The following PPEF1 variants were observed in gnomAD, a reference collection of about 807,000 sequenced individuals.
PPEF1 encodes serine/threonine-protein phosphatase with EF-hands 1.
In PPEF1, 12 loss-of-function variants were observed where a neutral mutation model predicts 53.3. That is an observed-to-expected ratio of 0.23 (90% confidence interval 0.14 to 0.36). The LOEUF is 0.36. PPEF1 is among the 10% of genes least tolerant of loss of function. The pLI, the probability that PPEF1 is intolerant of heterozygous loss-of-function variation, is 1.00. For synonymous variants in PPEF1, 165 were observed against 176.7 expected, an observed-to-expected ratio of 0.93 and a Z score of 0.52; for missense variants, 334 against 490.4, an observed-to-expected ratio of 0.68 and a Z score of 3.01.
At chrX:18,821,828 A>G (rs2047066111) in intron 13 of PPEF1, among the ~76,000 whole-genome samples, 1 of 108,204 alleles carries the variant, frequency 9.2e-6, no homozygotes, top group African/African-American at 3.4e-5. Context: ...GTGCAAGTGT[A>G]GGGAGGAGCT....
intron 1 of PPEF1, among the ~76,000 whole-genome samples, chrX:18,721,599 G>A (rs2044591156): frequency 9.0e-6 from 1 of 111,687 alleles, no homozygotes; most frequent in Admixed American, 9.6e-5. Flanking sequence ...GAGAAACTGA[G>A]GACCTCGGAG....
chrX:18,717,285 A>T (rs919662183), intron 1 of PPEF1, among the ~76,000 whole-genome samples: 9 of 108,415 alleles, frequency 8.3e-5, no homozygotes, highest in Non-Finnish European at 1.7e-4. Flanking sequence ...TAAAAGAGGG[A>T]TATTCTCTTA....
chrX:18,786,943 T>C (rs7880279), intron 9 of PPEF1, among the ~76,000 whole-genome samples: 53,507 of 109,233 alleles, frequency 0.49, 9,973 homozygotes, highest in Non-Finnish European at 0.54. Flanking sequence ...GCCAGCCATT[T>C]TCTCAGGATA....
intron 4 of PPEF1, among the ~76,000 whole-genome samples, chrX:18,750,989 T>G (rs2045431071): frequency 8.9e-6 from 1 of 112,086 alleles, no homozygotes; most frequent in Non-Finnish European, 1.9e-5. Flanking sequence ...TATACCTTCT[T>G]TGCAGAAATC....
rs777742546 is a variant in PPEF1 at position 18,733,812 on chromosome X, A to C, written c.235+4A>C. 5.1e-6 allele frequency: 6 copies of C among 1,168,078 alleles called. No homozygotes were observed. The East Asian group carries it at 1.8e-4, about 36-fold the overall frequency. Reference sequence around the variant, plus strand: ...CATATACATAAGGAAGAGCTAGGTAAGTAAAAAGCTTAGTCTTTTCAAATG... The same window carrying C: ...CATATACATAAGGAAGAGCTAGGTACGTAAAAAGCTTAGTCTTTTCAAATG... On this transcript the variant is annotated splice_donor_region_variant and intron_variant, in intron 3 of 15. Transcript: ENST00000470157.
chrX:18,725,823 G>T (rs980205910), intron 1 of PPEF1, among the ~76,000 whole-genome samples: 5 of 111,159 alleles, frequency 4.5e-5, no homozygotes, highest in African/African-American at 1.6e-4. Flanking sequence ...GAAGACAGAG[G>T]GGACCATAGG....
At chrX:18,708,457 A>G (rs1457993751) in intron 1 of PPEF1, among the ~76,000 whole-genome samples, 1 of 112,326 alleles carries the variant, frequency 8.9e-6, no homozygotes, top group African/African-American at 3.2e-5. Context: ...ATCTAGTTGA[A>G]ACAAACTTGA....
intron 10 of PPEF1, among the ~76,000 whole-genome samples, chrX:18,798,822 C>T (rs112461173): frequency 0.012 from 1,315 of 111,296 alleles, 29 homozygotes; most frequent in African/African-American, 0.04. Context: ...CAGGGTTTCA[C>T]CATGTTGGCC....
At chrX:18,817,633 C>A (rs1319082048) in intron 12 of PPEF1, among the ~76,000 whole-genome samples, 1 of 106,303 alleles carries the variant, frequency 9.4e-6, no homozygotes, top group Admixed American at 1.1e-4. Context: ...AGCCACCACA[C>A]CCGGCCTTTG....
intron 10 of PPEF1, among the ~76,000 whole-genome samples, chrX:18,793,605 A>T (rs1016391887): frequency 1.8e-5 from 2 of 110,882 alleles, no homozygotes; most frequent in Non-Finnish European, 3.8e-5. Flanking sequence ...GAACATATTT[A>T]TAATAGTTGC....
At chrX:18,678,033 G>A (rs1380573499), upstream of PPEF1, among the ~76,000 whole-genome samples, 1 of 107,732 alleles carries the variant, frequency 9.3e-6, no homozygotes, top group Non-Finnish European at 1.9e-5. Flanking sequence ...GGGGGAGTGA[G>A]GCGGGCAGAA....
At chrX:18,765,900 A>G (rs1048575878) in intron 6 of PPEF1, among the ~76,000 whole-genome samples, 13 of 108,640 alleles carry the variant, frequency 1.2e-4, no homozygotes, top group Non-Finnish European at 2.1e-4. Context: ...CCCTGTCTCT[A>G]ATAAAAATAC....
intron 14 of PPEF1, among the ~76,000 whole-genome samples, chrX:18,825,133 A>G (rs757310226): frequency 2.7e-5 from 3 of 112,169 alleles, no homozygotes; most frequent in Non-Finnish European, 3.8e-5. Context: ...AGATCCCCAT[A>G]CTTATTAGTT....
chrX:18,757,559 A>G, intron 4 of PPEF1, 68 bp from the exon 5 acceptor site: 2 of 829,685 alleles, frequency 2.4e-6, no homozygotes, highest in Non-Finnish European at 3.6e-6. Context: ...CCACCTTTAC[A>G]GTTTTCTATA....
chrX:18,817,897 A>G (rs771707558), intron 12 of PPEF1, 142 bp from the exon 13 acceptor site: 3 of 428,817 alleles, frequency 7.0e-6, no homozygotes, highest in Non-Finnish European at 1.2e-5. Flanking sequence ...ACATATGCAT[A>G]TATTTACCAT....
chrX:18,740,295 A>G (rs1569253124), intron 3 of PPEF1, among the ~76,000 whole-genome samples: 1 of 112,416 alleles, frequency 8.9e-6, no homozygotes. Flanking sequence ...TTCATCCACA[A>G]AACTTTTTTG....
intron 6 of PPEF1, among the ~76,000 whole-genome samples, chrX:18,777,493 CTTTTCTTTTCTT>C (rs895511712): frequency 5.9e-4 from 66 of 111,594 alleles, no homozygotes; most frequent in East Asian, 2.0e-3. Flanking sequence ...TTTTGTTTTT[CTTTTCTTTTCTT>C]TTTTCTTTTC....
chrX:18,766,941 A>G (rs927639324), intron 6 of PPEF1, among the ~76,000 whole-genome samples: 3 of 111,760 alleles, frequency 2.7e-5, no homozygotes. Flanking sequence ...AATCCCAGCT[A>G]CCTGGGAGGC....
At chrX:18,800,654 T>A (rs1485441523) in intron 10 of PPEF1, among the ~76,000 whole-genome samples, 1 of 111,876 alleles carries the variant, frequency 8.9e-6, no homozygotes, top group East Asian at 2.8e-4. Flanking sequence ...AAGGAGCTCA[T>A]TGAATGCTTG....
Sources: allele counts gnomAD v4.1 joint callset (sites outside exome capture counted in the v4.1 genomes callset), GRCh38; gene constraint gnomAD v4.1.1; transcripts MANE v1.5; gene names NCBI Gene and HGNC (gene_info 2026-07-23, HGNC 2026-07-21).